The following CNTN3 variants were observed in gnomAD, a reference collection of about 807,000 sequenced individuals.
CNTN3 encodes the protein contactin-3.
Under a neutral mutation model 119.1 loss-of-function variants are expected in CNTN3, and 60 were observed. That is an observed-to-expected ratio of 0.50 (90% CI 0.41 to 0.62). The LOEUF is 0.62. Among genes scored for constraint, CNTN3 ranks in the 20% least tolerant of loss-of-function variants. CNTN3 has a pLI of 0.00. For synonymous variants in CNTN3, 450 were observed against 438.7 expected (o/e 1.03, Z -0.32); for missense variants, 1,101 against 1,242.4 (o/e 0.89, Z 1.71).
chr3:74,406,501 T>C (rs1705326118), intron 5 of CNTN3, among the ~76,000 whole-genome samples: 1 of 152,014 alleles, frequency 6.6e-6, no homozygotes, highest in Non-Finnish European at 1.5e-5. Flanking sequence ...TAAGCATCGT[T>C]GCTTTTCTTA....
intron 11 of CNTN3, among the ~76,000 whole-genome samples, chr3:74,344,145 G>A (rs1454912719): frequency 6.6e-6 from 1 of 152,092 alleles, no homozygotes; most frequent in Admixed American, 6.5e-5. Flanking sequence ...TGAAATGTTG[G>A]TGCTTTGTAC....
At chr3:74,550,310 G>C (rs996551190) in intron 1 of CNTN3, among the ~76,000 whole-genome samples, 1 of 152,220 alleles carries the variant, frequency 6.6e-6, no homozygotes, top group East Asian at 1.9e-4. Flanking sequence ...GTGGCAAGCA[G>C]TTTGGCTATT....
At chr3:74,329,321 A>G (rs1263513946) in intron 13 of CNTN3, among the ~76,000 whole-genome samples, 21 of 152,154 alleles carry the variant, frequency 1.4e-4, no homozygotes, top group Admixed American at 1.4e-3. Context: ...TCAAGTTTTT[A>G]TTACTTCCAG....
chr3:74,612,425 T>A (rs1705098807), intron 1 of CNTN3, among the ~76,000 whole-genome samples: 1 of 152,204 alleles, frequency 6.6e-6, no homozygotes, highest in South Asian at 2.1e-4. Flanking sequence ...TCTGGTTGTG[T>A]TGTGAAGAAT....
At chr3:74,516,084 AC>A in intron 2 of CNTN3, among the ~76,000 whole-genome samples, 1 of 151,682 alleles carries the variant, frequency 6.6e-6, no homozygotes, top group East Asian at 1.9e-4. Flanking sequence ...GCAGCTGAAA[AC>A]CCCCTAGATG....
Position 74,413,212 on chromosome 3 carries a change from C to T in CNTN3, c.454+11633G>A, listed in dbSNP as rs151045181. Among the ~76,000 whole-genome samples the T allele has an allele frequency of 4.4e-3, 673 of 152,222 alleles. 1 individual carries two copies. Among genetic ancestry groups the T allele is most frequent in the African/African-American group, 0.015 (606 of 41,550 alleles). ...AGGTAGGGACCACTCTTTCTCAAAA[C>T]GACAAAATCACATGGAATACAGATT... is the stretch of plus-strand genomic sequence containing the variant. On this transcript the variant is annotated intron_variant, in intron 5 of 22. Transcript: ENST00000263665.
chr3:74,306,221 AAAAAAAAAAG>A (rs1702560693), intron 13 of CNTN3, among the ~76,000 whole-genome samples: 2 of 151,364 alleles, frequency 1.3e-5, no homozygotes, highest in Non-Finnish European at 2.9e-5. Flanking sequence ...GTCCAAAAAA[AAAAAAAAAAG>A]AAACTCGGTA....
intron 5 of CNTN3, among the ~76,000 whole-genome samples, chr3:74,409,210 C>T (rs1445370645): frequency 1.3e-5 from 2 of 152,056 alleles, no homozygotes; most frequent in African/African-American, 4.8e-5. Flanking sequence ...TGACTAAAAC[C>T]AAACAAAGCA....
chr3:74,439,149 A>G (rs1048695104), intron 4 of CNTN3, among the ~76,000 whole-genome samples: 8 of 152,232 alleles, frequency 5.3e-5, no homozygotes, highest in African/African-American at 1.7e-4. Context: ...ACTATCTGGA[A>G]AAAATGCTTC....
chr3:74,555,284 C>A (rs1704052418), intron 1 of CNTN3, among the ~76,000 whole-genome samples: 1 of 152,026 alleles, frequency 6.6e-6, no homozygotes, highest in African/African-American at 2.4e-5. Context: ...TAGTGGATAA[C>A]CTTTTTGATG....
chr3:74,519,096 C>T (rs1197734479), intron 2 of CNTN3, among the ~76,000 whole-genome samples: 1 of 151,842 alleles, frequency 6.6e-6, no homozygotes, highest in Non-Finnish European at 1.5e-5. Flanking sequence ...TAGGCCTCCA[C>T]TGCCTTTCTA....
chr3:74,551,754 CTTTTTTTTT>C (rs776621925), intron 1 of CNTN3, among the ~76,000 whole-genome samples: 2 of 60,202 alleles, frequency 3.3e-5, no homozygotes, highest in East Asian at 6.3e-4. Flanking sequence ...TCTTCTTCTT[CTTTTTTTTT>C]TTTTTTTTTT....
chr3:74,455,074 T>C (rs1702241511), intron 4 of CNTN3, among the ~76,000 whole-genome samples: 1 of 152,152 alleles, frequency 6.6e-6, no homozygotes, highest in African/African-American at 2.4e-5. Flanking sequence ...ATTGGGGAAG[T>C]TCTCCTGGAT....
chr3:74,601,167 T>C (rs1157711713), intron 1 of CNTN3, among the ~76,000 whole-genome samples: 1 of 152,042 alleles, frequency 6.6e-6, no homozygotes, highest in Non-Finnish European at 1.5e-5. Flanking sequence ...CTAATGAGTT[T>C]TGCTAAGGGC....
At chr3:74,591,927 G>A (rs1291613583) in intron 1 of CNTN3, among the ~76,000 whole-genome samples, 1 of 151,838 alleles carries the variant, frequency 6.6e-6, no homozygotes, top group Non-Finnish European at 1.5e-5. Context: ...TAGAGAGGAT[G>A]GGCTCCCTAT....
intron 11 of CNTN3, among the ~76,000 whole-genome samples, chr3:74,360,064 CCTGCTGTGT>C (rs1405251923): frequency 6.6e-6 from 1 of 152,130 alleles, no homozygotes; most frequent in Non-Finnish European, 1.5e-5. Context: ...ATCTTGTCAT[CCTGCTGTGT>C]CTGCCTTTTA....
chr3:74,472,678 G>T (rs997204370), intron 4 of CNTN3, among the ~76,000 whole-genome samples: 1 of 152,172 alleles, frequency 6.6e-6, no homozygotes, highest in Non-Finnish European at 1.5e-5. Flanking sequence ...CATTGTGCTT[G>T]ACTAAAAAGC....
chr3:74,556,570 G>T (rs1050917543), intron 1 of CNTN3, among the ~76,000 whole-genome samples: 6 of 151,950 alleles, frequency 3.9e-5, no homozygotes, highest in Admixed American at 3.9e-4. Flanking sequence ...TTTCCTCTTT[G>T]GCTATTGTGA....
intron 1 of CNTN3, among the ~76,000 whole-genome samples, chr3:74,569,072 T>C (rs1299404341): frequency 1.8e-4 from 28 of 152,174 alleles, no homozygotes; most frequent in Non-Finnish European, 2.9e-5. Flanking sequence ...ATATGGTACC[T>C]TGAACTTGGC....
Sources: gnomAD v4.1 joint callset for allele counts (sites outside exome capture counted in the v4.1 genomes callset) on GRCh38, gnomAD v4.1.1 for gene constraint, MANE v1.5 for transcripts, NCBI Gene and HGNC (gene_info 2026-07-23, HGNC 2026-07-21) for gene names.